Variants in EPPK1 observed in about 807,000 individuals in gnomAD.
EPPK1 encodes epiplakin.
For synonymous variants in EPPK1, 1,862 were observed against 1,721.2 expected (o/e 1.08, Z -2.03); for missense variants, 3,823 against 3,673.3 (o/e 1.04, Z -1.05).
intron 1 of EPPK1, among the ~76,000 whole-genome samples, chr8:143,877,641 C>T (rs1203536011): frequency 6.6e-6 from 1 of 152,118 alleles, no homozygotes; most frequent in Non-Finnish European, 1.5e-5. Flanking sequence ...CAGCCGCCTG[C>T]CTGAGTCAGG....
In EPPK1 at chr8:143,872,597, C is replaced by G. The variant is rs1554661636; in HGVS notation, c.657G>C (p.Val219=). The G allele has an allele frequency of 6.2e-7, 1 of 1,610,400 alleles. No individual in the cohort carries two copies. The highest frequency in any genetic ancestry group is 1.7e-5 in the Admixed American group (1 of 59,906). ...LTYHQLLERC[V]RAPGSGLALL... is the part of the protein sequence containing the mutation. ...AGGCTAGCCCCGAGCCGGGGGCACG[C>G]ACACACCTTTCCAGCAGCTGGTGGT... Residue 219 remains valine (V), a synonymous_variant, in exon 2 of 2, where the codon GTG becomes GTC. Coordinates refer to ENST00000615648, the MANE Select transcript of EPPK1 (RefSeq NM_031308.4).
At position 143,857,655 on chromosome 8, in the gene EPPK1, C is replaced by CT; in HGVS notation, c.*331dup. ...CAAGAGTACCCGATGGCATGATGGA[C>CT]TGAGAGTCTAAAGAGTGACATTCTG... On this transcript the variant is annotated 3_prime_UTR_variant, in exon 2 of 2. Coordinates refer to ENST00000615648, the MANE Select transcript of EPPK1 (RefSeq NM_031308.4). 1 of 314,970 alleles carries CT rather than the reference C, an allele frequency of 3.2e-6. No individual in the cohort carries two copies. Among genetic ancestry groups the CT allele is most frequent in the East Asian group, 5.3e-5 (1 of 18,870 alleles). The allele number at this position is 314,970 out of a possible 1,614,324, so 19.5% of individuals were successfully genotyped here. A position where few individuals can be genotyped will look rare whatever the true frequency, so the allele number is the denominator to read the frequency against.
intron 1 of EPPK1, among the ~76,000 whole-genome samples, chr8:143,875,828 A>G (rs1297129568): frequency 6.6e-6 from 1 of 152,166 alleles, no homozygotes; most frequent in Admixed American, 6.5e-5. Context: ...CTTGCAGGCT[A>G]GGGCACCATT....
At position 143,871,604 on chromosome 8, in the gene EPPK1, C is replaced by T. The variant is rs1216989085; in HGVS notation, c.1650G>A (p.Glu550=). 6.2e-7 allele frequency: 1 copy of T among 1,608,190 alleles called. No individual in the cohort carries two copies. The highest frequency in any genetic ancestry group is 8.5e-7 in the Non-Finnish European group (1 of 1,178,420). ...KLAAKLSATL[E]QAAATARVTF... Reference sequence around the variant, plus strand: ...TGACCCTGGCAGTGGCTGCAGCCTGCTCGAGGGTGGCGCTCAGCTTAGCGG... The same window carrying T: ...TGACCCTGGCAGTGGCTGCAGCCTGTTCGAGGGTGGCGCTCAGCTTAGCGG... The change falls in exon 2 of 2, where the codon GAG becomes GAA. Residue 550 remains glutamate, a synonymous_variant. Transcript: ENST00000615648.
Position 143,870,593 on chromosome 8 carries a change from G to T in EPPK1, c.2661C>A (p.Val887=). The T allele has an allele frequency of 6.2e-7, 1 of 1,609,270 alleles. No homozygotes were observed. The highest frequency in any genetic ancestry group is 8.5e-7 in the Non-Finnish European group (1 of 1,178,658). The part of the protein sequence containing the change: ...DIMLPALRSR[V]TVHQLLEAGI... ...CGGCCTCCAGGAGCTGGTGGACGGTGACCCGGCTCCGCAGTGCGGGCAGCA... is the reference window on the plus strand; with the variant it reads ...CGGCCTCCAGGAGCTGGTGGACGGTTACCCGGCTCCGCAGTGCGGGCAGCA... Residue 887 remains valine (V), a synonymous_variant, in exon 2 of 2, where the codon GTC becomes GTA. Coordinates refer to ENST00000615648, the MANE Select transcript of EPPK1 (RefSeq NM_031308.4). The surrounding 1 kb of genome is among the most constrained non-coding windows in gnomAD (Gnocchi z 5.2).
rs1554660912 is a variant in EPPK1 at position 143,870,777 on chromosome 8, A to G, written c.2477T>C (p.Phe826Ser). The change falls in exon 2 of 2, where the codon TTT (phenylalanine) becomes TCT (serine). Residue 826 changes from phenylalanine (F) to serine (S), a missense_variant. Coordinates refer to ENST00000615648, the MANE Select transcript of EPPK1 (RefSeq NM_031308.4). This position sits in a 1 kb window ranked among gnomAD's most constrained non-coding sequence, Gnocchi z 5.2. The stretch of plus-strand genomic sequence containing the variant: ...CCACGCGGAGACCCTCTGCCCCTGA[A>G]ACCGTCCATACTTCACGGAGAGCAG... ...NLLLSVKYGR[F>S]QGQRVSAWEL... The G allele has an allele frequency of 1.2e-6, 2 of 1,612,584 alleles. No homozygotes were observed. Among genetic ancestry groups the G allele is most frequent in the Non-Finnish European group, 1.7e-6 (2 of 1,179,828 alleles).
chr8:143,857,991 T>C lies in EPPK1; in HGVS notation c.15263A>G (p.Gln5088Arg). The C allele has an allele frequency of 1.3e-6, 2 of 1,596,368 alleles. No individual in the cohort carries two copies. Among genetic ancestry groups the C allele is most frequent in the South Asian group, 1.1e-5 (1 of 89,834 alleles). The change falls in exon 2 of 2, where the codon CAG (glutamine) becomes CGG (arginine). Residue 5088 changes from glutamine to arginine, a missense_variant. Physicochemically the swap from Gln to Arg is conservative, Grantham distance 43 (BLOSUM62 1). Transcript: ENST00000615648. ...TGLLFLSLSL[Q>R] ...AACTGCACGGAGGAAGCCCAGTCAC[T>C]GTAGAGAGAGAGAAAGAAATAGGAG...
At position 143,867,517 on chromosome 8, in the gene EPPK1, G is replaced by A. The variant is rs782395289; in HGVS notation, c.5737C>T (p.Leu1913Phe). Residue 1913 changes from leucine to phenylalanine, a missense_variant, in exon 2 of 2, where the codon CTC (leucine) becomes TTC (phenylalanine). By Grantham distance (22) the Leu-to-Phe change is conservative. Coordinates refer to ENST00000615648, the MANE Select transcript of EPPK1 (RefSeq NM_031308.4). ...AGCTCCTTCCTGCTGGCCTCATGGA[G>A]GCTCATGACCTCCCTGGTGGAGGGC... Reference protein sequence around the residue: ...TVPSTREVMSLHEASRKELIP... With the variant: ...TVPSTREVMSFHEASRKELIP... 8.7e-6 allele frequency: 14 copies of A among 1,612,536 alleles called. No individual in the cohort carries two copies. The Admixed American group carries it at 1.8e-4, about 21-fold the overall frequency.
Position 143,857,756 on chromosome 8 carries a change from A to C in EPPK1, c.*231T>G, listed in dbSNP as rs1325433568. ...AAAAAGGAGAGAAAAGTAAAACCAT[A>C]TGACACATAGACGACCCAGAAAACA... On this transcript the variant is annotated 3_prime_UTR_variant, in exon 2 of 2. Coordinates refer to ENST00000615648, the MANE Select transcript of EPPK1 (RefSeq NM_031308.4). 1 of 453,592 alleles carries C rather than the reference A, an allele frequency of 2.2e-6. No homozygotes were observed. Among genetic ancestry groups the C allele is most frequent in the Non-Finnish European group, 3.8e-6 (1 of 260,864 alleles). 28.1% of individuals were successfully genotyped at this position (453,592 alleles called of 1,614,324 possible).
chr8:143,878,810 G>A (rs1262997337), upstream of EPPK1, among the ~76,000 whole-genome samples: 5 of 151,962 alleles, frequency 3.3e-5, no homozygotes, highest in Non-Finnish European at 7.4e-5. Flanking sequence ...CTAATGCGGT[G>A]CGGGCTGGTG....
In EPPK1 at chr8:143,869,776, C is replaced by T; in HGVS notation, c.3478G>A (p.Gly1160Ser). 1.9e-6 allele frequency: 3 copies of T among 1,604,944 alleles called. No homozygotes were observed. Among genetic ancestry groups the T allele is most frequent in the Admixed American group, 3.4e-5 (2 of 59,064 alleles). ...CCCTCCTGCACGTCCTCCAGCAGGC[C>T]CCTCCGTTGCTCCTCGGTGAAGTGG... ...SCHFTEEQRR[G>S]LLEDVQEGRT... The change falls in exon 2 of 2, where the codon GGC (glycine) becomes AGC (serine). Residue 1160 changes from glycine to serine, a missense_variant. Physicochemically the swap from Gly to Ser is moderately conservative, Grantham distance 56. Transcript: ENST00000615648.
chr8:143,857,690 A>C lies in EPPK1; in HGVS notation c.*297T>G. 1 of 369,138 alleles carries C rather than the reference A, an allele frequency of 2.7e-6. No homozygotes were observed. 22.9% of individuals were successfully genotyped at this position (369,138 alleles called of 1,614,324 possible). ...AAAGAGTGACATTCTGTAAAATGGAAGCAGTGAATCCAAAACAGACAGAAA... is the reference window on the plus strand; with the variant it reads ...AAAGAGTGACATTCTGTAAAATGGACGCAGTGAATCCAAAACAGACAGAAA... On this transcript the variant is annotated 3_prime_UTR_variant, in exon 2 of 2. Coordinates refer to ENST00000615648, the MANE Select transcript of EPPK1 (RefSeq NM_031308.4).
chr8:143,873,406 A>G, intron 1 of EPPK1, 108 bp from the exon 2 acceptor site: 1 of 760,096 alleles, frequency 1.3e-6, no homozygotes. Flanking sequence ...GGCTCCACCC[A>G]CAGACGTGCA....
At position 143,866,900 on chromosome 8, in the gene EPPK1, C is replaced by T; in HGVS notation, c.6354G>A (p.Gln2118=). 2.5e-6 allele frequency: 4 copies of T among 1,613,124 alleles called. No individual in the cohort carries two copies. The highest frequency in any genetic ancestry group is 1.3e-5 in the African/African-American group (1 of 75,048). ...TCAGTAGTGCCCACAGTGTTGGTTT[C>T]TGGCCTCTGAACCTTCCCACTGTGA... is the stretch of plus-strand genomic sequence containing the variant. The part of the protein sequence containing the change: ...VEITVGRFRG[Q]KPTLWALLNS... Residue 2118 remains glutamine, a synonymous_variant, in exon 2 of 2, where the codon CAG becomes CAA. Transcript: ENST00000615648.
rs1819355994 is a variant in EPPK1, at chr8:143,871,707, G to A, written c.1547C>T (p.Ser516Phe). ...RPVSLWELLFSEAISSEQRAM... is the reference protein window; with the variant it reads ...RPVSLWELLFFEAISSEQRAM... ...CCTCTGCTCTGAGGAGATGGCCTCA[G>A]AGAAGAGCAGCTCCCAGAGGGACAC... Residue 516 changes from serine (S) to phenylalanine (F), a missense_variant, in exon 2 of 2, where the codon TCT becomes TTT. Transcript: ENST00000615648. 1 of 1,607,902 alleles carries A rather than the reference G, an allele frequency of 6.2e-7. No individual in the cohort carries two copies.
intron 1 of EPPK1, among the ~76,000 whole-genome samples, chr8:143,877,587 C>G (rs1052275838): frequency 6.6e-6 from 1 of 152,088 alleles, no homozygotes; most frequent in African/African-American, 2.4e-5. Context: ...CCAGACTGCC[C>G]GGCAGGCCCC....
chr8:143,870,816 G>A lies in EPPK1; in HGVS notation c.2438C>T (p.Ala813Val), dbSNP rs782170159. 4.3e-6 allele frequency: 7 copies of A among 1,612,806 alleles called. No individual in the cohort carries two copies. Among genetic ancestry groups the A allele is most frequent in the Non-Finnish European group, 5.9e-6 (7 of 1,179,864 alleles). ...SPLVDSATQQ[A>V]FQNLLLSVKY... ...CACGGAGAGCAGCAGGTTCTGGAAG[G>A]CCTGCTGGGTGGCACTGTCCACCAG... Residue 813 changes from alanine (A) to valine (V), a missense_variant, in exon 2 of 2, where the codon GCC becomes GTC. Ala to Val is a moderately conservative substitution (Grantham distance 64). Coordinates refer to ENST00000615648, the MANE Select transcript of EPPK1 (RefSeq NM_031308.4). This position sits in a 1 kb window ranked among gnomAD's most constrained non-coding sequence, Gnocchi z 5.2.
rs1030744181 is a variant in EPPK1, at chr8:143,869,353, C to T, written c.3901G>A (p.Glu1301Lys). The change falls in exon 2 of 2, where the codon GAG becomes AAG. Residue 1301 changes from glutamate to lysine, a missense_variant. Glu to Lys is a moderately conservative substitution (Grantham distance 56). Coordinates refer to ENST00000615648, the MANE Select transcript of EPPK1 (RefSeq NM_031308.4). ...ACCAGGCCGACCTTAACCGCGTCCT[C>T]CACTGACAGTCTCTGGTTGTTCAGG... Reference protein sequence around the residue: ...DPLNNQRLSVEDAVKVGLVGR... With the variant: ...DPLNNQRLSVKDAVKVGLVGR... 3 of 1,610,686 alleles carry T rather than the reference C, an allele frequency of 1.9e-6. No homozygotes were observed. In the African/African-American group the frequency reaches 4.0e-5, roughly 22 times the overall value.
At position 143,867,687 on chromosome 8, in the gene EPPK1, G is replaced by T. The variant is rs781976496; in HGVS notation, c.5567C>A (p.Ala1856Asp). ...KVAAIRGEVT[A>D]ADLFNSRVID... The stretch of plus-strand genomic sequence containing the variant: ...GACCCTGGAGTTGAACAGGTCTGCA[G>T]CTGTCACCTCCCCTCTGATGGCCGC... Residue 1856 changes from alanine (A) to aspartate (D), a missense_variant, in exon 2 of 2, where the codon GCT (alanine) becomes GAT (aspartate). By Grantham distance (126) the Ala-to-Asp change is moderately radical (BLOSUM62 -2). Coordinates refer to ENST00000615648, the MANE Select transcript of EPPK1 (RefSeq NM_031308.4). 6.2e-7 allele frequency: 1 copy of T among 1,613,468 alleles called. No homozygotes were observed. The highest frequency in any genetic ancestry group is 1.7e-5 in the Admixed American group (1 of 60,004).
Sources: allele counts gnomAD v4.1 joint callset (sites outside exome capture counted in the v4.1 genomes callset), GRCh38; gene constraint gnomAD v4.1.1; non-coding constraint Gnocchi (gnomAD v3.1); transcripts MANE v1.5; gene names NCBI Gene and HGNC (gene_info 2026-07-23, HGNC 2026-07-21).